BFSP2: variants seen among roughly 807,000 people sequenced by gnomAD.
BFSP2 encodes phakinin.
In BFSP2, 38 loss-of-function variants were observed where a neutral mutation model predicts 44.9. That is an observed-to-expected ratio of 0.85 (90% CI 0.65 to 1.11). BFSP2 has a LOEUF of 1.11. BFSP2 is among the 50% of genes least tolerant of loss of function. The pLI is 0.00. For synonymous variants in BFSP2, 197 were observed against 209.9 expected (o/e 0.94, Z 0.53); for missense variants, 525 against 533.0 (o/e 0.99, Z 0.15).
intron 5 of BFSP2, among the ~76,000 whole-genome samples, chr3:133,467,872 G>A (rs533609850): frequency 1.1e-4 from 17 of 152,286 alleles, no homozygotes; most frequent in African/African-American, 4.1e-4. Flanking sequence ...GTGCAAGCAT[G>A]TATAAGAAAA....
intron 1 of BFSP2, among the ~76,000 whole-genome samples, chr3:133,436,193 T>C (rs2073779481): frequency 6.6e-6 from 1 of 151,948 alleles, no homozygotes; most frequent in South Asian, 2.1e-4. Flanking sequence ...GAGTGCAGTG[T>C]CGTGTGCCTG....
In BFSP2 at chr3:133,450,415, G is replaced by C. The variant is rs1406515069; in HGVS notation, c.842G>C (p.Arg281Thr). The change falls in exon 4 of 7, where the codon AGA becomes ACA. Residue 281 changes from arginine (R) to threonine (T), a missense_variant. By Grantham distance (71) the Arg-to-Thr change is moderately conservative (BLOSUM62 -1). Coordinates refer to ENST00000302334, the MANE Select transcript of BFSP2 (RefSeq NM_003571.4). Reference protein sequence around the residue: ...ILETIRIQWERDVEKNRVEAG... With the variant: ...ILETIRIQWETDVEKNRVEAG... ...GAGACGATCAGAATTCAGTGGGAGA[G>C]AGATGTTGAAAAGAACCGGGTGGAG... 6.2e-7 allele frequency: 1 copy of C among 1,614,050 alleles called. No homozygotes were observed. Among genetic ancestry groups the C allele is most frequent in the African/African-American group, 1.3e-5 (1 of 74,938 alleles).
In BFSP2 at chr3:133,400,937, G is replaced by T. The variant is rs777687385; in HGVS notation, c.489+365G>T. ...CCTGAATTTTTGTGCCTCCAAAGTTGCATTTGCCCCATTACCCTGGGGCTG... is the reference window on the plus strand; with the variant it reads ...CCTGAATTTTTGTGCCTCCAAAGTTTCATTTGCCCCATTACCCTGGGGCTG... On this transcript the variant is annotated intron_variant, in intron 1 of 6. Coordinates refer to ENST00000302334, the MANE Select transcript of BFSP2 (RefSeq NM_003571.4). This position sits in a 1 kb window ranked among gnomAD's most constrained non-coding sequence, Gnocchi z 4.0. 6.6e-6 allele frequency among the ~76,000 whole-genome samples: 1 copy of T among 152,168 alleles called. No individual in the cohort carries two copies. The highest frequency in any genetic ancestry group is 1.5e-5 in the Non-Finnish European group (1 of 68,030).
At chr3:133,466,173 G>GA (rs1045987915) in intron 4 of BFSP2, among the ~76,000 whole-genome samples, 3 of 151,298 alleles carry the variant, frequency 2.0e-5, no homozygotes, top group African/African-American at 7.3e-5. Flanking sequence ...AGCACGGGGG[G>GA]GGCAATACAT....
chr3:133,419,570 G>A (rs2073574614), intron 1 of BFSP2, among the ~76,000 whole-genome samples: 1 of 152,204 alleles, frequency 6.6e-6, no homozygotes, highest in Admixed American at 6.5e-5. Flanking sequence ...TTTGGGATGT[G>A]CCTCTTTTTC....
intron 1 of BFSP2, among the ~76,000 whole-genome samples, chr3:133,432,048 T>A: frequency 6.6e-6 from 1 of 151,984 alleles, no homozygotes; most frequent in Non-Finnish European, 1.5e-5. Context: ...TGGCAACCGA[T>A]CACATGCCCA....
chr3:133,452,787 T>A (rs2073977535), intron 4 of BFSP2, among the ~76,000 whole-genome samples: 2 of 152,344 alleles, frequency 1.3e-5, no homozygotes, highest in African/African-American at 2.4e-5. Flanking sequence ...CCCAGCAGTT[T>A]GCAAACTTTG....
intron 1 of BFSP2, among the ~76,000 whole-genome samples, chr3:133,413,900 C>T (rs1393664385): frequency 6.6e-6 from 1 of 151,838 alleles, no homozygotes; most frequent in Non-Finnish European, 1.5e-5. Context: ...GTTAGAAAGC[C>T]CCCGCATTTC....
intron 1 of BFSP2, among the ~76,000 whole-genome samples, chr3:133,432,763 C>T (rs572244122): frequency 3.9e-5 from 6 of 152,202 alleles, no homozygotes; most frequent in South Asian, 4.1e-4. Flanking sequence ...CGATCGTGTC[C>T]GACTAATCTC....
intron 6 of BFSP2, 82 bp from the exon 7 acceptor site, chr3:133,474,887 C>A: frequency 6.5e-7 from 1 of 1,543,158 alleles, no homozygotes; most frequent in Admixed American, 1.7e-5. Flanking sequence ...CATGAGATGG[C>A]CCCCTTTCTC....
At chr3:133,459,254 G>A (rs532539833) in intron 4 of BFSP2, among the ~76,000 whole-genome samples, 1 of 152,160 alleles carries the variant, frequency 6.6e-6, no homozygotes, top group South Asian at 2.1e-4. Flanking sequence ...TGAGGCAGGA[G>A]AACTGCTCGA....
chr3:133,411,302 A>G (rs2073451513), intron 1 of BFSP2, among the ~76,000 whole-genome samples: 1 of 152,052 alleles, frequency 6.6e-6, no homozygotes, highest in South Asian at 2.1e-4. Context: ...TATAAGACCT[A>G]TAGGTATATC....
chr3:133,415,432 CCCTGTCCTCTCCTCTCTACTCACT>C (rs2073513024), intron 1 of BFSP2, among the ~76,000 whole-genome samples: 1 of 133,858 alleles, frequency 7.5e-6, no homozygotes, highest in African/African-American at 3.0e-5. Flanking sequence ...CTCTACTCAA[CCCTGTCCTCTCCTCTCTACTCACT>C]CCTGTCCTCT....
chr3:133,457,324 G>T (rs1310927015), intron 4 of BFSP2, among the ~76,000 whole-genome samples: 1 of 152,054 alleles, frequency 6.6e-6, no homozygotes, highest in Non-Finnish European at 1.5e-5. Flanking sequence ...TTCACAAAAG[G>T]GCCCTGTTTG....
At chr3:133,469,391 C>T (rs969615724) in intron 5 of BFSP2, among the ~76,000 whole-genome samples, 10 of 152,194 alleles carry the variant, frequency 6.6e-5, no homozygotes, top group African/African-American at 1.7e-4. Flanking sequence ...GCCAAGCTGG[C>T]GAGACTTTCG....
chr3:133,442,950 T>C (rs1451631704), intron 1 of BFSP2, among the ~76,000 whole-genome samples: 1 of 151,952 alleles, frequency 6.6e-6, no homozygotes, highest in Non-Finnish European at 1.5e-5. Context: ...CTCTGCCTCC[T>C]GGGTTCAAGC....
Position 133,447,335 on chromosome 3 carries a change from G to C in BFSP2, c.508G>C (p.Glu170Gln), listed in dbSNP as rs780158195. Residue 170 changes from glutamate to glutamine, a missense_variant, in exon 2 of 7, where the codon GAA becomes CAA. Glu to Gln is a conservative substitution (Grantham distance 29). Transcript: ENST00000302334. ...GCTCTAGGTGGGTGAGGCAGTCTTGGAAAATGCCCGGCTCATGCTGCAGAC... is the reference window on the plus strand; with the variant it reads ...GCTCTAGGTGGGTGAGGCAGTCTTGCAAAATGCCCGGCTCATGCTGCAGAC... ...SCQQVGEAVL[E>Q]NARLMLQTET... The C allele has an allele frequency of 2.5e-6, 4 of 1,613,952 alleles. No individual in the cohort carries two copies. The highest frequency in any genetic ancestry group is 3.4e-6 in the Non-Finnish European group (4 of 1,180,018).
chr3:133,466,525 C>CA (rs1465052314), intron 4 of BFSP2, among the ~76,000 whole-genome samples: 7 of 150,358 alleles, frequency 4.7e-5, no homozygotes, highest in Admixed American at 6.6e-5. Context: ...ACTAAAAATA[C>CA]AAAAAAAATT....
At chr3:133,449,405 C>CTTTGTTTTTGTT (rs145314517) in intron 3 of BFSP2, 2 of 151,592 alleles carry the variant, frequency 1.3e-5, no homozygotes, top group African/African-American at 4.8e-5. Flanking sequence ...TTGTTGCTTA[C>CTTTGTTTTTGTT]TTTGTTTTTG....
Sources: allele counts gnomAD v4.1 joint callset (sites outside exome capture counted in the v4.1 genomes callset), GRCh38; gene constraint gnomAD v4.1.1; non-coding constraint Gnocchi (gnomAD v3.1); transcripts MANE v1.5; gene names NCBI Gene and HGNC (gene_info 2026-07-23, HGNC 2026-07-21).